Variants in RNF144A observed in about 807,000 individuals in gnomAD.
RNF144A encodes E3 ubiquitin-protein ligase RNF144A.
Under a neutral mutation model 38.7 loss-of-function variants are expected in RNF144A, and 11 were observed. That is an observed-to-expected ratio of 0.28 (90% CI 0.18 to 0.47). RNF144A has a LOEUF of 0.47. Ranked by LOEUF, RNF144A falls within the 20% of genes least tolerant of loss-of-function variation. RNF144A has a pLI of 0.99. For missense variants in RNF144A, 316 were observed against 377.2 expected (o/e 0.84, Z 1.34); for synonymous variants, 149 against 143.9 (o/e 1.04, Z -0.25).
intron 3 of RNF144A, among the ~76,000 whole-genome samples, chr2:7,006,355 A>G (rs796253926): frequency 2.6e-5 from 4 of 152,286 alleles, no homozygotes; most frequent in African/African-American, 9.6e-5. Flanking sequence ...ACAGTTTGTA[A>G]CCTGATGACA....
At chr2:7,054,098 C>G (rs966203138) in intron 6 of RNF144A, among the ~76,000 whole-genome samples, 2 of 152,182 alleles carry the variant, frequency 1.3e-5, no homozygotes, top group African/African-American at 4.8e-5. Flanking sequence ...GCTGCTAACC[C>G]TGAAGGCAGG....
At chr2:6,987,624 A>C (rs1669043055) in intron 2 of RNF144A, among the ~76,000 whole-genome samples, 1 of 152,148 alleles carries the variant, frequency 6.6e-6, no homozygotes, top group Admixed American at 6.5e-5. Flanking sequence ...CTTCACCCTC[A>C]CCTGCAGATG....
intron 2 of RNF144A, among the ~76,000 whole-genome samples, chr2:6,974,050 AT>A (rs142021389): frequency 0.026 from 4,019 of 152,258 alleles, 192 homozygotes; most frequent in African/African-American, 0.092. Flanking sequence ...GAGGATCTAG[AT>A]TTTTAGGCTA....
At chr2:7,055,282 G>A (rs898458093) in intron 6 of RNF144A, among the ~76,000 whole-genome samples, 1 of 152,154 alleles carries the variant, frequency 6.6e-6, no homozygotes, top group African/African-American at 2.4e-5. Context: ...AGCTGAAACT[G>A]TTTCTCTGAG....
chr2:7,064,721 AGTT>A (rs1674128732), intron 6 of RNF144A, among the ~76,000 whole-genome samples: 1 of 152,348 alleles, frequency 6.6e-6, no homozygotes, highest in Admixed American at 6.5e-5. Context: ...GGGAGACTGA[AGTT>A]GTCCAGAGGT....
chr2:7,053,461 T>A (rs954834949), intron 6 of RNF144A, among the ~76,000 whole-genome samples: 3 of 152,228 alleles, frequency 2.0e-5, no homozygotes, highest in African/African-American at 7.2e-5. Flanking sequence ...ATCTGGAGGC[T>A]CAATGGGGGA....
intron 2 of RNF144A, among the ~76,000 whole-genome samples, chr2:6,989,596 A>T (rs1669203498): frequency 6.6e-6 from 1 of 151,712 alleles, no homozygotes; most frequent in Non-Finnish European, 1.5e-5. Context: ...CTCCTCAATG[A>T]TTTTTTTTTA....
chr2:6,947,640 A>G (rs951262399), intron 2 of RNF144A, among the ~76,000 whole-genome samples: 2 of 152,230 alleles, frequency 1.3e-5, no homozygotes, highest in Non-Finnish European at 1.5e-5. Context: ...TTGTAGTTCT[A>G]TTGAATTTTT....
chr2:6,964,622 A>G (rs2103335553), intron 2 of RNF144A, among the ~76,000 whole-genome samples: 1 of 152,360 alleles, frequency 6.6e-6, no homozygotes, highest in South Asian at 2.1e-4. Context: ...CATATACACC[A>G]TGGAATACTA....
At chr2:7,013,638 G>C (rs996422320) in intron 3 of RNF144A, among the ~76,000 whole-genome samples, 2 of 152,172 alleles carry the variant, frequency 1.3e-5, no homozygotes, top group Non-Finnish European at 2.9e-5. Context: ...AGCCTAGCTG[G>C]CAAAGGCCGT....
intron 3 of RNF144A, among the ~76,000 whole-genome samples, chr2:7,006,068 A>G (rs1670424284): frequency 6.6e-6 from 1 of 151,580 alleles, no homozygotes; most frequent in African/African-American, 2.4e-5. Context: ...TGCCCCTGAA[A>G]TCATGACAGC....
intron 2 of RNF144A, among the ~76,000 whole-genome samples, chr2:6,963,294 A>G (rs761635103): frequency 1.3e-5 from 2 of 152,188 alleles, no homozygotes; most frequent in Non-Finnish European, 2.9e-5. Flanking sequence ...TGAATCTCCA[A>G]TGATTTGGGG....
chr2:7,013,027 C>T (rs1026158256), intron 3 of RNF144A, among the ~76,000 whole-genome samples: 1 of 152,150 alleles, frequency 6.6e-6, no homozygotes, highest in African/African-American at 2.4e-5. Flanking sequence ...TGGGAAGTGG[C>T]TCTTTCTGAG....
chr2:6,968,699 T>C (rs1188116706), intron 2 of RNF144A, among the ~76,000 whole-genome samples: 4 of 152,046 alleles, frequency 2.6e-5, no homozygotes, highest in Non-Finnish European at 5.9e-5. Flanking sequence ...ATGTGTTTTT[T>C]TTTTTACAAA....
chr2:6,969,884 C>A (rs1475548395), intron 2 of RNF144A, among the ~76,000 whole-genome samples: 3 of 152,150 alleles, frequency 2.0e-5, no homozygotes, highest in Admixed American at 6.5e-5. Flanking sequence ...GCCTCAGCCT[C>A]CCCAGCAGCT....
chr2:6,986,997 A>C (rs980424729), intron 2 of RNF144A, among the ~76,000 whole-genome samples: 1 of 152,024 alleles, frequency 6.6e-6, no homozygotes, highest in East Asian at 1.9e-4. Context: ...TTAGTGTTGA[A>C]ATAATAGGCC....
chr2:7,045,092 A>T (rs1397212244), downstream of RNF144A, among the ~76,000 whole-genome samples: 3 of 152,254 alleles, frequency 2.0e-5, no homozygotes, highest in African/African-American at 4.8e-5. Context: ...TCTTGTAGAC[A>T]AGTAGGAACT....
In RNF144A at chr2:6,965,084, C is replaced by T. The variant is rs144880588; in HGVS notation, c.-12+23937C>T. Among the ~76,000 whole-genome samples the T allele has an allele frequency of 3.5e-3, 528 of 152,196 alleles. 6 individuals carry two copies. The highest frequency in any genetic ancestry group is 0.012 in the African/African-American group (501 of 41,504). Reference sequence around the variant, plus strand: ...GAGGAGTTCTGCCTGCGTGTGTGTGCGGGGTGCCCTGTTTGGAATTGTCCA... The same window carrying T: ...GAGGAGTTCTGCCTGCGTGTGTGTGTGGGGTGCCCTGTTTGGAATTGTCCA... On this transcript the variant is annotated intron_variant, in intron 2 of 8. Transcript: ENST00000320892.
downstream of RNF144A, among the ~76,000 whole-genome samples, chr2:7,070,156 T>TTCTCTCTCTC (rs143933026): frequency 4.0e-5 from 6 of 151,290 alleles, no homozygotes; most frequent in Non-Finnish European, 8.8e-5. Flanking sequence ...GGAGCTTTTC[T>TTCTCTCTCTC]TCTCTCTCTC....
Sources: allele counts gnomAD v4.1 joint callset (sites outside exome capture counted in the v4.1 genomes callset), GRCh38; gene constraint gnomAD v4.1.1; transcripts MANE v1.5; gene names NCBI Gene and HGNC (gene_info 2026-07-23, HGNC 2026-07-21).